Variants in IL17D observed in about 807,000 individuals in gnomAD.
IL17D encodes the protein interleukin-17D.
A neutral mutation model predicts 5.7 loss-of-function variants in IL17D; 10 were observed. That is an observed-to-expected ratio of 1.75 (90% CI 1.08 to 2.97). IL17D has a LOEUF of 2.97. Ranked by LOEUF, IL17D falls within the 30% of genes most tolerant of loss-of-function variation. The probability of loss-of-function intolerance (pLI) is 0.00; values close to 1 mark genes in which losing one functional copy is unlikely to be tolerated. For synonymous variants in IL17D, 172 were observed against 141.7 expected (o/e 1.21, Z -1.52); for missense variants, 354 against 292.7 (o/e 1.21, Z -1.53).
chr13:20,720,227 G>C (rs1481880196), intron 1 of IL17D, among the ~76,000 whole-genome samples: 1 of 152,050 alleles, frequency 6.6e-6, no homozygotes, highest in Non-Finnish European at 1.5e-5. Flanking sequence ...CCCTCCATGT[G>C]CCCCCGGAGA....
At chr13:20,708,748 C>G (rs1423247911) in intron 1 of IL17D, among the ~76,000 whole-genome samples, 1 of 150,736 alleles carries the variant, frequency 6.6e-6, no homozygotes, top group Non-Finnish European at 1.5e-5. Flanking sequence ...GCCTGTAATC[C>G]CAGCACTTTG....
intron 1 of IL17D, 27 bp downstream of exon 1, chr13:20,704,318 G>T: frequency 1.1e-6 from 1 of 917,038 alleles, no homozygotes; most frequent in Non-Finnish European, 1.3e-6. Context: ...TCCTGGCGGG[G>T]CCCGGCAGGT....
chr13:20,711,157 G>A (rs533061759), intron 1 of IL17D, among the ~76,000 whole-genome samples: 2 of 152,210 alleles, frequency 1.3e-5, no homozygotes, highest in African/African-American at 2.4e-5. Context: ...CCAGCTACTC[G>A]GGAGGCTGAG....
rs574978323 is a variant in IL17D at position 20,721,695 on chromosome 13, G to T, written c.350G>T (p.Arg117Leu). 25 of 1,611,068 alleles carry T rather than the reference G, an allele frequency of 1.6e-5. No homozygotes were observed. The South Asian group carries it at 2.4e-4, about 16-fold the overall frequency. ...RYLPEAYCLC[R>L]GCLTGLFGEE... is the part of the protein sequence containing the mutation. ...CTGCCTGAAGCCTACTGCCTGTGCC[G>T]GGGCTGCCTGACCGGGCTGTTCGGC... The change falls in exon 2 of 2, where the codon CGG becomes CTG. Residue 117 changes from arginine to leucine, a missense_variant. Transcript: ENST00000682841.
chr13:20,706,466 G>C (rs1439013791), intron 1 of IL17D, among the ~76,000 whole-genome samples: 1 of 152,246 alleles, frequency 6.6e-6, no homozygotes, highest in African/African-American at 2.4e-5. Flanking sequence ...CTGGGCCAAG[G>C]GCCTAAGAGT....
chr13:20,706,688 A>G (rs543532803), intron 1 of IL17D, among the ~76,000 whole-genome samples: 1 of 152,372 alleles, frequency 6.6e-6, no homozygotes, highest in South Asian at 2.1e-4. Flanking sequence ...TGGAGGACAC[A>G]TGGAGAGTTA....
chr13:20,708,630 C>A (rs1284858033), intron 1 of IL17D, among the ~76,000 whole-genome samples: 4 of 151,768 alleles, frequency 2.6e-5, no homozygotes, highest in African/African-American at 9.7e-5. Flanking sequence ...AATACAAGGG[C>A]AAACTGGGAA....
At chr13:20,711,124 C>T (rs1477236384) in intron 1 of IL17D, among the ~76,000 whole-genome samples, 16 of 152,198 alleles carry the variant, frequency 1.1e-4, no homozygotes, top group African/African-American at 3.1e-4. Context: ...ATTAGCTGAG[C>T]GTGGTGGCAC....
chr13:20,708,293 G>A (rs1242679530), intron 1 of IL17D, among the ~76,000 whole-genome samples: 1 of 152,194 alleles, frequency 6.6e-6, no homozygotes, highest in Non-Finnish European at 1.5e-5. Context: ...GGCACAGCAA[G>A]GATCACTTTA....
chr13:20,719,078 C>T (rs1473086032), intron 1 of IL17D, among the ~76,000 whole-genome samples: 1 of 147,898 alleles, frequency 6.8e-6, no homozygotes, highest in Non-Finnish European at 1.5e-5. Context: ...CATGCTGACA[C>T]ACAACTACCC....
At chr13:20,720,880 C>A (rs1168750315) in intron 1 of IL17D, among the ~76,000 whole-genome samples, 1 of 141,674 alleles carries the variant, frequency 7.1e-6, no homozygotes, top group Non-Finnish European at 1.5e-5. Flanking sequence ...CCCAACCCCC[C>A]CCCCCCTCCC....
intron 1 of IL17D, among the ~76,000 whole-genome samples, chr13:20,719,497 A>T (rs2058715170): frequency 1.3e-5 from 2 of 152,218 alleles, no homozygotes; most frequent in South Asian, 4.1e-4. Context: ...CCATACACAC[A>T]TGCTCACACT....
intron 1 of IL17D, among the ~76,000 whole-genome samples, chr13:20,708,233 T>C (rs1372496654): frequency 6.6e-6 from 1 of 152,210 alleles, no homozygotes; most frequent in Admixed American, 6.5e-5. Flanking sequence ...TCAGAGAGAA[T>C]GCTGAGAAAG....
intron 1 of IL17D, among the ~76,000 whole-genome samples, chr13:20,720,874 A>ACCCCC (rs67735251): frequency 1.3e-5 from 1 of 75,714 alleles, no homozygotes; most frequent in Non-Finnish European, 2.5e-5. Flanking sequence ...CTCCCTCCCA[A>ACCCCC]CCCCCCCCCC....
chr13:20,718,823 C>A (rs1302614679), intron 1 of IL17D, among the ~76,000 whole-genome samples: 1 of 147,406 alleles, frequency 6.8e-6, no homozygotes, highest in Non-Finnish European at 1.5e-5. Flanking sequence ...CCCACACACA[C>A]CTGCCCACAC....
In IL17D at chr13:20,704,046, C is replaced by T. The variant is rs1471710900; in HGVS notation, c.45C>T (p.Ala15=). Residue 15 remains alanine, a synonymous_variant, in exon 1 of 2, where the codon GCC becomes GCT. Coordinates refer to ENST00000682841, the MANE Select transcript of IL17D (RefSeq NM_001385224.1). ...GFLLALPPSW[A]AGAPRAGRRP... ...TGCTGGCGCTGCCGCCGAGCTGGGC[C>T]GCGGGCGCCCCGAGGGCGGGCAGGC... 3 of 1,054,342 alleles carry T rather than the reference C, an allele frequency of 2.8e-6. No individual in the cohort carries two copies. The highest frequency in any genetic ancestry group is 3.4e-6 in the Non-Finnish European group (3 of 879,324). The allele number at this position is 1,054,342 out of a possible 1,614,324, so 65.3% of individuals were successfully genotyped here.
chr13:20,717,995 C>T (rs987123828), intron 1 of IL17D, among the ~76,000 whole-genome samples: 2 of 152,064 alleles, frequency 1.3e-5, no homozygotes, highest in Non-Finnish European at 2.9e-5. Context: ...ACCTACATAC[C>T]GAGGGCACGG....
At chr13:20,706,254 C>A (rs2058591514) in intron 1 of IL17D, among the ~76,000 whole-genome samples, 1 of 152,236 alleles carries the variant, frequency 6.6e-6, no homozygotes, top group South Asian at 2.1e-4. Context: ...CCTCTCTCTT[C>A]CTCCATTTCC....
chr13:20,704,226 C>T lies in IL17D; in HGVS notation c.225C>T (p.Gly75=). Residue 75 remains glycine (G), a synonymous_variant, in exon 1 of 2, where the codon GGC becomes GGT. Coordinates refer to ENST00000682841, the MANE Select transcript of IL17D (RefSeq NM_001385224.1). The stretch of plus-strand genomic sequence containing the variant: ...GCAACGCGAGCTGCCCGGCAGGGGG[C>T]AGGCCCGCCGACCGCCGCTTCCGGC... ...QARNASCPAG[G]RPADRRFRPP... The T allele has an allele frequency of 1.5e-6, 2 of 1,339,450 alleles. No homozygotes were observed. Among genetic ancestry groups the T allele is most frequent in the South Asian group, 1.7e-5 (1 of 58,918 alleles). The allele number at this position is 1,339,450 out of a possible 1,614,324, so 83.0% of individuals were successfully genotyped here. A position where few individuals can be genotyped will look rare whatever the true frequency, so the allele number is the denominator to read the frequency against.
Sources: allele counts gnomAD v4.1 joint callset (sites outside exome capture counted in the v4.1 genomes callset), GRCh38; gene constraint gnomAD v4.1.1; transcripts MANE v1.5; gene names NCBI Gene and HGNC (gene_info 2026-07-23, HGNC 2026-07-21).